Variants in SYNE2 observed in about 807,000 individuals in gnomAD.
SYNE2 encodes nesprin-2.
Under a neutral mutation model 856.3 loss-of-function variants are expected in SYNE2, and 431 were observed. The observed-to-expected ratio is 0.50, with a 90% CI of 0.47 to 0.55. SYNE2 has a LOEUF of 0.55. SYNE2 is among the 20% of genes least tolerant of loss of function. The pLI, the probability that SYNE2 is intolerant of heterozygous loss-of-function variation, is 0.00. For synonymous variants in SYNE2, 2,923 were observed against 2,872.3 expected (o/e 1.02, Z -0.56); for missense variants, 8,129 against 8,023.2 (o/e 1.01, Z -0.50).
intron 95 of SYNE2, among the ~76,000 whole-genome samples, chr14:64,176,877 A>T (rs1051132609): frequency 6.6e-6 from 1 of 151,926 alleles, no homozygotes; most frequent in Non-Finnish European, 1.5e-5. Flanking sequence ...GGCTCACTGC[A>T]GCCTCCACCT....
chr14:64,097,685 A>G (rs1432017908), intron 61 of SYNE2, among the ~76,000 whole-genome samples: 1 of 152,222 alleles, frequency 6.6e-6, no homozygotes, highest in East Asian at 1.9e-4. Context: ...ACAAGTTTCC[A>G]TGCTTTGGCT....
At chr14:63,897,484 A>G (rs1449903429) in intron 1 of SYNE2, among the ~76,000 whole-genome samples, 2 of 152,014 alleles carry the variant, frequency 1.3e-5, no homozygotes, top group Non-Finnish European at 2.9e-5. Flanking sequence ...TTTTTTCCTT[A>G]CAAACAGTTC....
intron 109 of SYNE2, 148 bp downstream of exon 109, chr14:64,218,660 C>G (rs932155707): frequency 5.3e-6 from 4 of 752,446 alleles, no homozygotes; most frequent in Non-Finnish European, 8.9e-6. Context: ...ATTTTTAAAT[C>G]AGCGATTGGC....
At chr14:64,177,558 CT>C in intron 96 of SYNE2, 75 bp downstream of exon 96, 1 of 1,586,164 alleles carries the variant, frequency 6.3e-7, no homozygotes, top group Non-Finnish European at 8.7e-7. Context: ...TTCTTTGCCT[CT>C]TTCTGTATTG....
chr14:64,157,838 C>G (rs1476759974), intron 85 of SYNE2, among the ~76,000 whole-genome samples: 2 of 152,134 alleles, frequency 1.3e-5, no homozygotes, highest in South Asian at 2.1e-4. Flanking sequence ...TGTATATGTT[C>G]AGTGTCTTTT....
intron 1 of SYNE2, among the ~76,000 whole-genome samples, chr14:63,814,537 AAT>A (rs1003736282): frequency 1.4e-5 from 2 of 140,300 alleles, no homozygotes; most frequent in South Asian, 2.2e-4. Flanking sequence ...ATCCATATAT[AAT>A]ATATATATCC....
intron 94 of SYNE2, among the ~76,000 whole-genome samples, chr14:64,172,310 GTC>G (rs1268273838): frequency 2.0e-5 from 3 of 152,162 alleles, no homozygotes; most frequent in Non-Finnish European, 2.9e-5. Flanking sequence ...CCTGCTTGGG[GTC>G]TCTCAGGCAG....
intron 94 of SYNE2, chr14:64,174,067 AAT>A: frequency 1.1e-5 from 6 of 536,894 alleles, no homozygotes; most frequent in South Asian, 2.4e-5. Context: ...TTGTCTCTTA[AAT>A]TTTTTTTTTT....
intron 1 of SYNE2, among the ~76,000 whole-genome samples, chr14:63,895,221 C>T (rs1468885341): frequency 1.3e-5 from 2 of 151,400 alleles, no homozygotes; most frequent in Admixed American, 6.6e-5. Flanking sequence ...TCTCCTGCCT[C>T]AGCCTCCAGA....
At chr14:64,147,607 A>C (rs1595837993) in intron 84 of SYNE2, among the ~76,000 whole-genome samples, 1 of 152,330 alleles carries the variant, frequency 6.6e-6, no homozygotes, top group African/African-American at 2.4e-5. Flanking sequence ...GCTGTAAATA[A>C]AATAAATTCC....
rs781072783 is a variant in SYNE2 at position 64,137,895 on chromosome 14, G to A, written c.14755G>A (p.Ala4919Thr). 9.9e-6 allele frequency: 16 copies of A among 1,614,064 alleles called. No homozygotes were observed. Among genetic ancestry groups the A allele is most frequent in the East Asian group, 2.2e-5 (1 of 44,898 alleles). Residue 4919 changes from alanine (A) to threonine (T), a missense_variant, in exon 79 of 116, where the codon GCA (alanine) becomes ACA (threonine). Coordinates refer to ENST00000555002, the MANE Select transcript of SYNE2 (RefSeq NM_182914.3). ...CTGTCCTGAATTAGAGGGCCAGATC[G>A]CAAAACTGGAAGAGCAGTGGTTGTC... is the stretch of plus-strand genomic sequence containing the variant. ...VSCPELEGQI[A>T]KLEEQWLSLN... is the part of the protein sequence containing the mutation.
intron 74 of SYNE2, among the ~76,000 whole-genome samples, chr14:64,129,545 G>A (rs1201313124): frequency 6.6e-6 from 1 of 152,178 alleles, no homozygotes; most frequent in Non-Finnish European, 1.5e-5. Flanking sequence ...ACAGAATGCT[G>A]TGGTGCAGTT....
At chr14:64,044,987 AAATG>A (rs1363395891) in intron 45 of SYNE2, among the ~76,000 whole-genome samples, 2 of 152,238 alleles carry the variant, frequency 1.3e-5, no homozygotes, top group Non-Finnish European at 2.9e-5. Context: ...AAAATGTTTA[AAATG>A]AATGTGCAGA....
chr14:64,216,186 A>G (rs1255309246), intron 107 of SYNE2, 62 bp from the exon 108 acceptor site: 5 of 1,610,546 alleles, frequency 3.1e-6, no homozygotes, highest in African/African-American at 1.3e-5. Flanking sequence ...ACCTGATGCC[A>G]TGTCACCCGT....
intron 1 of SYNE2, among the ~76,000 whole-genome samples, chr14:63,784,183 GT>G (rs989810106): frequency 6.6e-6 from 1 of 152,088 alleles, no homozygotes; most frequent in Non-Finnish European, 1.5e-5. Context: ...ATTCTTGCAA[GT>G]TTTTTTGGTA....
At chr14:63,774,304 A>G (rs1887027816) in intron 1 of SYNE2, among the ~76,000 whole-genome samples, 1 of 151,972 alleles carries the variant, frequency 6.6e-6, no homozygotes, top group Non-Finnish European at 1.5e-5. Flanking sequence ...CCCCATGTCT[A>G]CTAAAGATAG....
At chr14:64,157,348 A>G (rs1287418887) in intron 85 of SYNE2, among the ~76,000 whole-genome samples, 2 of 152,236 alleles carry the variant, frequency 1.3e-5, no homozygotes, top group African/African-American at 2.4e-5. Context: ...TATGCTATAT[A>G]GCCTTTTGGG....
Position 64,026,640 on chromosome 14 carries a change from A to G in SYNE2, c.6314A>G (p.Glu2105Gly), listed in dbSNP as rs1001575658. 59 of 1,613,672 alleles carry G rather than the reference A, an allele frequency of 3.7e-5. No homozygotes were observed. Among genetic ancestry groups the G allele is most frequent in the Non-Finnish European group, 4.7e-5 (56 of 1,179,786 alleles). The change falls in exon 42 of 116, where the codon GAG becomes GGG. Residue 2105 changes from glutamate (E) to glycine (G), a missense_variant. This residue lies in a region of SYNE2 where 297 missense variants were observed against 380.9 expected (regional missense o/e 0.78). Transcript: ENST00000555002. ...ATAGAGACCATCATGAAGCAGGCTG[A>G]GAGCAGCGAGGCCCCGCTGGTTCAG... is the stretch of plus-strand genomic sequence containing the variant. ...ARIETIMKQA[E>G]SSEAPLVQKT... is the part of the protein sequence containing the mutation.
At chr14:63,813,061 A>C (rs1888678315) in intron 1 of SYNE2, among the ~76,000 whole-genome samples, 1 of 152,224 alleles carries the variant, frequency 6.6e-6, no homozygotes, top group Admixed American at 6.6e-5. Flanking sequence ...TAAGTACTGC[A>C]GTCAAATTCT....
Sources: allele counts gnomAD v4.1 joint callset (sites outside exome capture counted in the v4.1 genomes callset), GRCh38; gene constraint gnomAD v4.1.1; regional missense constraint gnomAD v4.1.1; transcripts MANE v1.5; gene names NCBI Gene and HGNC (gene_info 2026-07-23, HGNC 2026-07-21).